The following TAFA5 variants were observed in gnomAD, a reference collection of about 807,000 sequenced individuals.
TAFA5 encodes TAFA chemokine like family member 5, also known as chemokine-like protein TAFA-5.
TAFA5 carries 6 observed loss-of-function variants against 15.3 expected under a neutral mutation model. The ratio of observed to expected loss-of-function variants is 0.39; its 90% CI spans 0.21 to 0.77. The LOEUF (loss-of-function observed/expected upper bound fraction) is 0.77, where lower values mean the gene tolerates loss of function less well. TAFA5 is among the 30% of genes least tolerant of loss of function. The pLI is 0.41. For synonymous variants in TAFA5, 103 were observed against 80.7 expected (o/e 1.28, Z -1.48); for missense variants, 161 against 193.1 (o/e 0.83, Z 0.98).
intron 2 of TAFA5, among the ~76,000 whole-genome samples, chr22:48,647,933 A>G (rs1413045902): frequency 1.3e-5 from 2 of 152,160 alleles, no homozygotes; most frequent in Non-Finnish European, 2.9e-5. Flanking sequence ...CCTGAGTGAC[A>G]GGCGTAGACT....
intron 1 of TAFA5, among the ~76,000 whole-genome samples, chr22:48,573,290 C>G (rs1383245984): frequency 6.6e-6 from 1 of 152,244 alleles, no homozygotes; most frequent in African/African-American, 2.4e-5. Context: ...TGTCCAGAGA[C>G]TGGGCCCAGG....
At chr22:48,610,666 C>CGTT (rs779757420) in intron 1 of TAFA5, among the ~76,000 whole-genome samples, 1 of 151,772 alleles carries the variant, frequency 6.6e-6, no homozygotes, top group Non-Finnish European at 1.5e-5. Flanking sequence ...GAGCTGTCAG[C>CGTT]GTTGGGCCGT....
At chr22:48,657,881 C>G (rs917967540) in intron 2 of TAFA5, among the ~76,000 whole-genome samples, 4 of 151,898 alleles carry the variant, frequency 2.6e-5, no homozygotes, top group Admixed American at 6.6e-5. Flanking sequence ...GGGACGCTGC[C>G]GCTCTTGAAC....
At chr22:48,606,254 G>C (rs34207320) in intron 1 of TAFA5, among the ~76,000 whole-genome samples, 19,363 of 152,214 alleles carry the variant, frequency 0.13, 1,338 homozygotes, top group African/African-American at 0.16. Context: ...CAGAGTGAGA[G>C]CTCAAGGCAT....
At chr22:48,683,242 A>G (rs1010610047) in intron 2 of TAFA5, among the ~76,000 whole-genome samples, 5 of 152,184 alleles carry the variant, frequency 3.3e-5, no homozygotes, top group African/African-American at 1.2e-4. Flanking sequence ...ACAGGCCCGG[A>G]TGTTCCTCCC....
intron 1 of TAFA5, among the ~76,000 whole-genome samples, chr22:48,634,933 T>C (rs1926392130): frequency 6.6e-6 from 1 of 152,076 alleles, no homozygotes; most frequent in African/African-American, 2.4e-5. Context: ...ACTCTTTGGT[T>C]TGTGTCCACA....
intron 2 of TAFA5, among the ~76,000 whole-genome samples, chr22:48,680,853 C>T (rs564179852): frequency 6.6e-6 from 1 of 152,204 alleles, no homozygotes; most frequent in Non-Finnish European, 1.5e-5. Flanking sequence ...AGTGCTGGGC[C>T]GGGCACACCA....
rs1569056626 is a variant in TAFA5, at chr22:48,633,539, C to CTCTCTCTCTCTCT, written c.113-13058_113-13057insTCTCTCTCTCTCT. ...CTGTCTGTCTGTCTGTCTGTCTCTC[C>CTCTCTCTCTCTCT]CTCTCTCTCTCTCTCTCTCCATCTC... is the stretch of plus-strand genomic sequence containing the variant. On this transcript the variant is annotated intron_variant, in intron 1 of 3. Coordinates refer to ENST00000402357, the MANE Select transcript of TAFA5 (RefSeq NM_001082967.3). Among the ~76,000 whole-genome samples, 1,242 of 128,712 alleles carry CTCTCTCTCTCTCT rather than the reference C, an allele frequency of 9.6e-3. 34 individuals are homozygous for CTCTCTCTCTCTCT. The highest frequency in any genetic ancestry group is 0.018 in the Admixed American group (216 of 12,166). The allele number at this position is 128,712 out of a possible 152,430, so 84.4% of individuals were successfully genotyped here.
chr22:48,539,248 C>T, intron 1 of TAFA5: 1 of 398,428 alleles, frequency 2.5e-6, no homozygotes. Flanking sequence ...AGGACTGGCC[C>T]AGCCAGGGCC....
intron 2 of TAFA5, among the ~76,000 whole-genome samples, chr22:48,702,641 G>A (rs779987235): frequency 2.6e-5 from 4 of 152,186 alleles, no homozygotes; most frequent in East Asian, 1.9e-4. Context: ...CAGAGCCCAC[G>A]TTTCAGTCAC....
In TAFA5 at chr22:48,708,144, G is replaced by A. The variant is rs186489911; in HGVS notation, c.390+300G>A. On this transcript the variant is annotated intron_variant, in intron 3 of 3. Coordinates refer to ENST00000402357, the MANE Select transcript of TAFA5 (RefSeq NM_001082967.3). ...CAGGTCTCGAAACCCCCTGGTTAGA[G>A]CCGTCTTGTTTCCGGGACTGATGTG... Among the ~76,000 whole-genome samples the A allele has an allele frequency of 3.4e-3, 513 of 152,334 alleles. 7 individuals carry two copies. Among genetic ancestry groups the A allele is most frequent in the African/African-American group, 0.012 (494 of 41,578 alleles).
chr22:48,553,215 A>G (rs571294923), intron 1 of TAFA5, among the ~76,000 whole-genome samples: 2 of 151,938 alleles, frequency 1.3e-5, no homozygotes, highest in Admixed American at 6.5e-5. Flanking sequence ...TTGACTCCAC[A>G]GGCCCCCCGC....
At position 48,489,819 on chromosome 22, in the gene TAFA5, G is replaced by C; in HGVS notation, c.112+115G>C. 1 of 544,898 alleles carries C rather than the reference G, an allele frequency of 1.8e-6. No individual in the cohort carries two copies. Among genetic ancestry groups the C allele is most frequent in the Non-Finnish European group, 2.9e-6 (1 of 346,890 alleles). The allele number at this position is 544,898 out of a possible 1,614,324, so 33.8% of individuals were successfully genotyped here. A position where few individuals can be genotyped will look rare whatever the true frequency, so the allele number is the denominator to read the frequency against. On this transcript the variant is annotated intron_variant, in intron 1 of 3. Transcript: ENST00000402357. This position sits in a 1 kb window ranked among gnomAD's most constrained non-coding sequence, Gnocchi z 5.5. ...GAGTCGGCGCGGAGTTACGAGCGCCGGGCGCATGGTCCCCCGAGTCCCGGC... is the reference window on the plus strand; with the variant it reads ...GAGTCGGCGCGGAGTTACGAGCGCCCGGCGCATGGTCCCCCGAGTCCCGGC...
intron 1 of TAFA5, among the ~76,000 whole-genome samples, chr22:48,494,328 C>T (rs566939725): frequency 2.6e-5 from 4 of 152,164 alleles, no homozygotes; most frequent in African/African-American, 7.2e-5. Flanking sequence ...TAAAATGTGG[C>T]GCTCTGGAGT....
At chr22:48,608,095 A>G (rs371773051) in intron 1 of TAFA5, among the ~76,000 whole-genome samples, 587 of 116,646 alleles carry the variant, frequency 5.0e-3, no homozygotes, top group African/African-American at 9.0e-3. Context: ...CCACGGCCCC[A>G]GGCTGCCAGC....
At chr22:48,729,402 ATATATTTATAT>A (rs1335365407) in intron 3 of TAFA5, among the ~76,000 whole-genome samples, 15 of 144,744 alleles carry the variant, frequency 1.0e-4, no homozygotes, top group Non-Finnish European at 2.3e-4. Flanking sequence ...ATAGTCATAA[ATATATTTATAT>A]TATAAATTCG....
At chr22:48,528,483 GCCCTGCC>G (rs1921856853) in intron 1 of TAFA5, among the ~76,000 whole-genome samples, 2 of 152,132 alleles carry the variant, frequency 1.3e-5, no homozygotes, top group Non-Finnish European at 2.9e-5. Context: ...ACTGCACCCA[GCCCTGCC>G]ACACTCCTTC....
chr22:48,747,315 C>G (rs12165551), intron 3 of TAFA5, among the ~76,000 whole-genome samples: 1 of 152,218 alleles, frequency 6.6e-6, no homozygotes, highest in Non-Finnish European at 1.5e-5. Context: ...GCCGCTCCAG[C>G]CCTTCTCGTG....
chr22:48,580,067 CG>C (rs940551566), intron 1 of TAFA5, among the ~76,000 whole-genome samples: 1 of 152,232 alleles, frequency 6.6e-6, no homozygotes, highest in Non-Finnish European at 1.5e-5. Context: ...GGCCGCGGCA[CG>C]GTGTACCCGG....
Sources: gnomAD v4.1 joint callset for allele counts (sites outside exome capture counted in the v4.1 genomes callset) on GRCh38, gnomAD v4.1.1 for gene constraint, Gnocchi (gnomAD v3.1) non-coding constraint, MANE v1.5 for transcripts, NCBI Gene and HGNC (gene_info 2026-07-23, HGNC 2026-07-21) for gene names.